Variants in CDK14 observed in about 807,000 individuals in gnomAD.
CDK14 encodes the protein cyclin dependent kinase 14, also known as cyclin-dependent kinase 14.
Under a neutral mutation model 60.7 loss-of-function variants are expected in CDK14, and 34 were observed. The ratio of observed to expected loss-of-function variants is 0.56; its 90% CI spans 0.43 to 0.75. The LOEUF is 0.75. CDK14 is among the 30% of genes least tolerant of loss of function. The pLI, the probability that CDK14 is intolerant of heterozygous loss-of-function variation, is 0.00. For synonymous variants in CDK14, 197 were observed against 203.7 expected, an observed-to-expected ratio of 0.97 and a Z score of 0.28; for missense variants, 482 against 564.1, an observed-to-expected ratio of 0.85 and a Z score of 1.47.
intron 9 of CDK14, among the ~76,000 whole-genome samples, chr7:90,957,246 T>TA (rs1794453558): frequency 6.6e-6 from 1 of 152,026 alleles, no homozygotes; most frequent in Non-Finnish European, 1.5e-5. Flanking sequence ...GTAAAAGTGT[T>TA]CCTATTTCTC....
chr7:90,941,351 A>C (rs572389925), intron 8 of CDK14, among the ~76,000 whole-genome samples: 143 of 152,260 alleles, frequency 9.4e-4, no homozygotes, highest in South Asian at 8.5e-3. Context: ...CATCTGCTGT[A>C]CCCACTGCCT....
intron 14 of CDK14, among the ~76,000 whole-genome samples, chr7:91,195,866 G>A (rs779075414): frequency 2.6e-5 from 4 of 152,124 alleles, no homozygotes; most frequent in African/African-American, 4.8e-5. Context: ...ATTTCAGGCC[G>A]TTTACTCCAC....
rs564238936 is a variant in CDK14, at chr7:91,164,584, CAAATGCAGG to C, written c.*29-42578_*29-42570del. Reference sequence around the variant, plus strand: ...TCATCAAGCTTTGTGATTTCCTAGACAAATGCAGGAAGATTTGGCTATGTTGCAGATGAA... The same window carrying C: ...TCATCAAGCTTTGTGATTTCCTAGACAAGATTTGGCTATGTTGCAGATGAA... On this transcript the variant is annotated intron_variant, in intron 14 of 14. Coordinates refer to ENST00000380050, the MANE Select transcript of CDK14 (RefSeq NM_001287135.2). Among the ~76,000 whole-genome samples, 876 of 152,286 alleles carry C rather than the reference CAAATGCAGG, an allele frequency of 5.8e-3. 7 individuals carry two copies. Among genetic ancestry groups the C allele is most frequent in the African/African-American group, 0.02 (832 of 41,552 alleles).
intron 9 of CDK14, among the ~76,000 whole-genome samples, chr7:90,956,227 AC>A (rs1469692864): frequency 6.6e-6 from 1 of 152,172 alleles, no homozygotes; most frequent in Non-Finnish European, 1.5e-5. Flanking sequence ...ACTGTTAGGC[AC>A]CAGTTTGACT....
At chr7:90,895,879 T>TGG (rs1792321749) in intron 6 of CDK14, among the ~76,000 whole-genome samples, 1 of 151,522 alleles carries the variant, frequency 6.6e-6, no homozygotes, top group Non-Finnish European at 1.5e-5. Flanking sequence ...CCCACCCTTG[T>TGG]TTTTCTCATT....
intron 2 of CDK14, among the ~76,000 whole-genome samples, chr7:90,627,560 C>T (rs892204736): frequency 7.2e-5 from 11 of 152,078 alleles, no homozygotes; most frequent in East Asian, 1.9e-4. Context: ...AAAAGCATTG[C>T]GTTATACTGG....
At chr7:90,923,170 G>A (rs555792545) in intron 8 of CDK14, among the ~76,000 whole-genome samples, 204 of 147,690 alleles carry the variant, frequency 1.4e-3, no homozygotes, top group Non-Finnish European at 2.3e-3. Context: ...GTGTAGTGGC[G>A]CCAATCTCGG....
rs1156576058 is a variant in CDK14, at chr7:91,176,162, A to G, written c.*29-31003A>G. Among the ~76,000 whole-genome samples, 36 of 152,128 alleles carry G rather than the reference A, an allele frequency of 2.4e-4. 2 individuals are homozygous for G. Among genetic ancestry groups the G allele is most frequent in the African/African-American group, 7.7e-4 (32 of 41,494 alleles). ...AACTCAGGATTAAGAATCTCACTCA[A>G]AACTGCTCAACTACATGGAAACTGA... On this transcript the variant is annotated intron_variant, in intron 14 of 14. Transcript: ENST00000380050.
chr7:91,019,988 C>T (rs1389316034), intron 10 of CDK14, among the ~76,000 whole-genome samples: 1 of 152,126 alleles, frequency 6.6e-6, no homozygotes, highest in African/African-American at 2.4e-5. Flanking sequence ...CAAGCTCAGC[C>T]ATCAACTACA....
chr7:90,919,707 T>C (rs1391937348), intron 8 of CDK14, among the ~76,000 whole-genome samples: 1 of 152,232 alleles, frequency 6.6e-6, no homozygotes, highest in African/African-American at 2.4e-5. Flanking sequence ...TTTATTAAGA[T>C]TGACAAAATC....
intron 14 of CDK14, among the ~76,000 whole-genome samples, chr7:91,160,964 ATAAAT>A (rs1801152987): frequency 6.6e-6 from 1 of 152,246 alleles, no homozygotes; most frequent in Non-Finnish European, 1.5e-5. Flanking sequence ...AAAATATAAA[ATAAAT>A]TATTGACTCT....
chr7:91,114,303 G>A (rs1398742319), intron 13 of CDK14, among the ~76,000 whole-genome samples: 1 of 152,116 alleles, frequency 6.6e-6, no homozygotes, highest in Admixed American at 6.6e-5. Flanking sequence ...TAGTTTATCA[G>A]CCAGTGGTTA....
intron 6 of CDK14, among the ~76,000 whole-genome samples, chr7:90,892,653 G>A (rs894765604): frequency 6.6e-6 from 1 of 152,166 alleles, no homozygotes; most frequent in Admixed American, 6.5e-5. Flanking sequence ...CACCTCAAGA[G>A]GGTTATGATT....
At chr7:91,101,259 C>T (rs1799139561) in intron 12 of CDK14, among the ~76,000 whole-genome samples, 1 of 152,134 alleles carries the variant, frequency 6.6e-6, no homozygotes. Context: ...GCAATGGACA[C>T]TAAGATGTAA....
chr7:91,193,730 C>T (rs4316080), intron 14 of CDK14, among the ~76,000 whole-genome samples: 74,975 of 151,612 alleles, frequency 0.49, 20,130 homozygotes, highest in Middle Eastern at 0.61. Flanking sequence ...TATATAACTA[C>T]ATATACTTTA....
chr7:90,817,256 G>A (rs1465452661), intron 5 of CDK14, among the ~76,000 whole-genome samples: 1 of 152,080 alleles, frequency 6.6e-6, no homozygotes, highest in Non-Finnish European at 1.5e-5. Flanking sequence ...TTTTAGTATG[G>A]GTCATTTATA....
Position 90,899,834 on chromosome 7 carries a change from C to A in CDK14, c.702+481C>A, listed in dbSNP as rs77619514. 6.1e-3 allele frequency among the ~76,000 whole-genome samples: 921 copies of A among 152,196 alleles called. 7 individuals carry two copies. The highest frequency in any genetic ancestry group is 0.02 in the African/African-American group (825 of 41,552). ...CTTTCTTTTAGTAGAAATATTACTA[C>A]CGAGTATCAAAAGAACTATGATTTC... On this transcript the variant is annotated intron_variant, in intron 7 of 14. Transcript: ENST00000380050.
chr7:91,101,437 G>T (rs961510565), intron 12 of CDK14, among the ~76,000 whole-genome samples: 12 of 152,336 alleles, frequency 7.9e-5, no homozygotes, highest in Non-Finnish European at 1.8e-4. Context: ...ATGGGAATGA[G>T]TGTCTGCCAG....
chr7:90,750,074 A>G lies in CDK14; in HGVS notation c.464+2299A>G, dbSNP rs561550322. Among the ~76,000 whole-genome samples the G allele has an allele frequency of 1.1e-4, 16 of 152,138 alleles. No homozygotes were observed. The South Asian group carries it at 3.3e-3, about 32-fold the overall frequency. Reference sequence around the variant, plus strand: ...CTGATAGAAATGCATAGGGCTATAGAAGCAAAGCCAAAAGATCCTACCCAG... The same window carrying G: ...CTGATAGAAATGCATAGGGCTATAGGAGCAAAGCCAAAAGATCCTACCCAG... On this transcript the variant is annotated intron_variant, in intron 4 of 14. Transcript: ENST00000380050.
Sources: gnomAD v4.1 joint callset for allele counts (sites outside exome capture counted in the v4.1 genomes callset) on GRCh38, gnomAD v4.1.1 for gene constraint, MANE v1.5 for transcripts, NCBI Gene and HGNC (gene_info 2026-07-23, HGNC 2026-07-21) for gene names.